IL1RAPL1: variants seen among roughly 807,000 people sequenced by gnomAD.
IL1RAPL1 encodes the protein interleukin 1 receptor accessory protein like 1, also known as interleukin-1 receptor accessory protein-like 1.
In IL1RAPL1, 3 loss-of-function variants were observed where a neutral mutation model predicts 48.4. That is an observed-to-expected ratio of 0.06 (90% CI 0.03 to 0.16). The LOEUF (loss-of-function observed/expected upper bound fraction) is 0.16, where lower values mean the gene tolerates loss of function less well. Among genes scored for constraint, IL1RAPL1 ranks in the 10% least tolerant of loss-of-function variants. The pLI is 1.00. For synonymous variants in IL1RAPL1, 185 were observed against 187.7 expected, an observed-to-expected ratio of 0.99 and a Z score of 0.12; for missense variants, 349 against 530.6, an observed-to-expected ratio of 0.66 and a Z score of 3.36.
chrX:29,132,348 G>T (rs748628114), intron 2 of IL1RAPL1, among the ~76,000 whole-genome samples: 5 of 111,868 alleles, frequency 4.5e-5, no homozygotes. Context: ...AATGCCTATT[G>T]CCTAATGACA....
chrX:29,240,333 C>G (rs1278732000), intron 2 of IL1RAPL1, among the ~76,000 whole-genome samples: 1 of 96,160 alleles, frequency 1.0e-5, no homozygotes, highest in Non-Finnish European at 2.0e-5. Context: ...CTCCCAGGTT[C>G]AAGCGATTTT....
chrX:29,181,428 T>C (rs1268096998), intron 2 of IL1RAPL1, among the ~76,000 whole-genome samples: 2 of 112,044 alleles, frequency 1.8e-5, no homozygotes, highest in Non-Finnish European at 3.8e-5. Flanking sequence ...TACATGCTAA[T>C]AGTCTAGGTA....
chrX:29,201,692 GA>G (rs1177197180), intron 2 of IL1RAPL1, among the ~76,000 whole-genome samples: 2 of 99,833 alleles, frequency 2.0e-5, no homozygotes, highest in African/African-American at 4.4e-5. Context: ...AATCATTATT[GA>G]TTTTTTTTTT....
At chrX:29,064,731 G>A (rs1032981772) in intron 2 of IL1RAPL1, among the ~76,000 whole-genome samples, 2 of 110,429 alleles carry the variant, frequency 1.8e-5, no homozygotes, top group Admixed American at 1.9e-4. Flanking sequence ...ACAGGCGCCC[G>A]CCACCACACC....
chrX:29,536,140 G>T (rs1921225237), intron 5 of IL1RAPL1, among the ~76,000 whole-genome samples: 1 of 111,885 alleles, frequency 8.9e-6, no homozygotes, highest in Non-Finnish European at 1.9e-5. Context: ...GAACTTAAGA[G>T]AAAAATTTTT....
chrX:29,346,239 A>G, intron 3 of IL1RAPL1, among the ~76,000 whole-genome samples: 1 of 112,462 alleles, frequency 8.9e-6, no homozygotes, highest in South Asian at 3.7e-4. Context: ...TAATCACATC[A>G]ACAATCTCCC....
intron 5 of IL1RAPL1, among the ~76,000 whole-genome samples, chrX:29,420,868 G>T (rs1373288029): frequency 9.0e-6 from 1 of 111,637 alleles, no homozygotes; most frequent in Non-Finnish European, 1.9e-5. Context: ...GAAAGTCTTT[G>T]TATATTCATT....
At chrX:28,744,151 T>C (rs1935943719) in intron 1 of IL1RAPL1, among the ~76,000 whole-genome samples, 1 of 111,277 alleles carries the variant, frequency 9.0e-6, no homozygotes, top group South Asian at 3.8e-4. Flanking sequence ...AAAATGTATA[T>C]CTTATACGCA....
intron 5 of IL1RAPL1, among the ~76,000 whole-genome samples, chrX:29,423,594 G>T (rs943343366): frequency 3.6e-5 from 4 of 111,932 alleles, no homozygotes; most frequent in Non-Finnish European, 7.5e-5. Flanking sequence ...AATTTTATAA[G>T]ATAGATAAAA....
chrX:29,838,804 A>G (rs1379085230), intron 6 of IL1RAPL1, among the ~76,000 whole-genome samples: 1 of 111,702 alleles, frequency 9.0e-6, no homozygotes, highest in Non-Finnish European at 1.9e-5. Context: ...CAGGAAGACA[A>G]TTTGGGGTGG....
chrX:28,731,402 T>C (rs1000990020), intron 1 of IL1RAPL1, among the ~76,000 whole-genome samples: 2 of 111,757 alleles, frequency 1.8e-5, no homozygotes, highest in African/African-American at 6.5e-5. Flanking sequence ...AAGTCTGCTT[T>C]TGTTGCCATG....
At chrX:29,279,435 C>G (rs1414479096) in intron 2 of IL1RAPL1, among the ~76,000 whole-genome samples, 1 of 83,401 alleles carries the variant, frequency 1.2e-5, no homozygotes, top group African/African-American at 4.4e-5. Flanking sequence ...GACTCCATCT[C>G]AAAAAAAAAA....
chrX:29,551,700 G>T (rs1308328786), intron 5 of IL1RAPL1, among the ~76,000 whole-genome samples: 1 of 110,474 alleles, frequency 9.1e-6, no homozygotes, highest in Non-Finnish European at 1.9e-5. Flanking sequence ...TGCTTTCTTG[G>T]GGTTCAAAAA....
At chrX:29,939,825 A>T (rs1181780117) in intron 8 of IL1RAPL1, among the ~76,000 whole-genome samples, 4 of 111,315 alleles carry the variant, frequency 3.6e-5, no homozygotes, top group South Asian at 3.7e-4. Flanking sequence ...GTAGAATTAG[A>T]AATCAAGGGC....
chrX:29,221,033 C>T (rs1433454597), intron 2 of IL1RAPL1, among the ~76,000 whole-genome samples: 1 of 111,146 alleles, frequency 9.0e-6, no homozygotes. Flanking sequence ...GATTCTACTG[C>T]CTCGGCCTCC....
intron 2 of IL1RAPL1, among the ~76,000 whole-genome samples, chrX:29,253,617 G>A (rs923143524): frequency 9.0e-6 from 1 of 111,044 alleles, no homozygotes; most frequent in Non-Finnish European, 1.9e-5. Flanking sequence ...TACACATGAC[G>A]AAACTGAGAG....
At position 29,817,869 on chromosome X, in the gene IL1RAPL1, C is replaced by T. The variant is rs140153800; in HGVS notation, c.779-99595C>T. Among the ~76,000 whole-genome samples the T allele has an allele frequency of 5.0e-3, 556 of 111,667 alleles. 1 individual carries two copies. Among genetic ancestry groups the T allele is most frequent in the Middle Eastern group, 9.2e-3 (2 of 218 alleles). ...CATTCTATGTGTGGTAGAAAGATGGCTTACAGCAGTCCCAGGCATCATATC... is the reference window on the plus strand; with the variant it reads ...CATTCTATGTGTGGTAGAAAGATGGTTTACAGCAGTCCCAGGCATCATATC... On this transcript the variant is annotated intron_variant, in intron 6 of 10. Coordinates refer to ENST00000378993, the MANE Select transcript of IL1RAPL1 (RefSeq NM_014271.4).
At chrX:28,762,823 C>CACAGAG (rs1268556014) in intron 1 of IL1RAPL1, among the ~76,000 whole-genome samples, 39 of 36,770 alleles carry the variant, frequency 1.1e-3, no homozygotes, top group South Asian at 2.9e-3. Context: ...CACACACACA[C>CACAGAG]AGAGAGAGAG....
chrX:28,843,905 A>G (rs1017335842), intron 2 of IL1RAPL1, among the ~76,000 whole-genome samples: 5 of 110,438 alleles, frequency 4.5e-5, no homozygotes, highest in Admixed American at 9.7e-5. Context: ...TTTGTCAGGC[A>G]GTGTGTATTG....
Sources: gnomAD v4.1 joint callset for allele counts (sites outside exome capture counted in the v4.1 genomes callset) on GRCh38, gnomAD v4.1.1 for gene constraint, MANE v1.5 for transcripts, NCBI Gene and HGNC (gene_info 2026-07-23, HGNC 2026-07-21) for gene names.